Variants in EEIG1 observed in about 807,000 individuals in gnomAD.
EEIG1 encodes the protein estrogen-induced osteoclastogenesis regulator 1.
the EEIG1 span, among the ~76,000 whole-genome samples, chr9:127,946,344 C>A: frequency 6.6e-6 from 1 of 152,246 alleles, no homozygotes; most frequent in Non-Finnish European, 1.5e-5. Flanking sequence ...AACTTCAAAA[C>A]AGACTTTCCT....
the EEIG1 span, among the ~76,000 whole-genome samples, chr9:127,968,091 C>T: frequency 1.3e-5 from 2 of 151,642 alleles, no homozygotes; most frequent in East Asian, 1.9e-4. Flanking sequence ...TGAGCCACCA[C>T]GCCTGGCTTC....
chr9:127,978,752 G>A, the EEIG1 span, among the ~76,000 whole-genome samples: 3 of 152,110 alleles, frequency 2.0e-5, no homozygotes, highest in Non-Finnish European at 2.9e-5. Flanking sequence ...CAGGAGGATC[G>A]CTTGAACCCA....
At chr9:127,944,524 G>A in the EEIG1 span, 1 of 892,968 alleles carries the variant, frequency 1.1e-6, no homozygotes, top group Non-Finnish European at 1.8e-6. Flanking sequence ...ACAAGATTTG[G>A]CGTTCAAGGC....
chr9:127,960,790 C>T, the EEIG1 span, among the ~76,000 whole-genome samples: 3 of 152,154 alleles, frequency 2.0e-5, no homozygotes, highest in Admixed American at 6.5e-5. Flanking sequence ...CCAGAAAAAG[C>T]CACCTGGAAC....
the EEIG1 span, chr9:127,942,542 G>GC: frequency 6.4e-6 from 1 of 155,210 alleles, no homozygotes; most frequent in African/African-American, 2.4e-5. Context: ...GAGGACATTT[G>GC]CCGGGGGGAG....
chr9:127,976,367 C>A, the EEIG1 span, among the ~76,000 whole-genome samples: 24 of 152,238 alleles, frequency 1.6e-4, no homozygotes, highest in Non-Finnish European at 3.1e-4. The surrounding 1 kb of genome is among the most constrained non-coding windows in gnomAD (Gnocchi z 4.1). Context: ...AAATAATCAT[C>A]TATTTGAGGG....
chr9:127,975,339 C>T, the EEIG1 span, among the ~76,000 whole-genome samples: 1 of 152,190 alleles, frequency 6.6e-6, no homozygotes, highest in Non-Finnish European at 1.5e-5. Context: ...CCAAAGACTG[C>T]CCAAATCAAA....
chr9:127,944,595 C>A, the EEIG1 span: 5 of 1,599,174 alleles, frequency 3.1e-6, no homozygotes, highest in East Asian at 6.7e-5. Context: ...CCCGACGACC[C>A]CTCCCTAAGC....
the EEIG1 span, among the ~76,000 whole-genome samples, chr9:127,956,799 C>T: frequency 1.8e-4 from 27 of 152,154 alleles, no homozygotes; most frequent in African/African-American, 6.3e-4. Flanking sequence ...ACTGCAACCT[C>T]CACCTGCTGG....
chr9:127,940,688 G>A, the EEIG1 span: 3 of 152,102 alleles, frequency 2.0e-5, no homozygotes, highest in South Asian at 2.1e-4. Flanking sequence ...TGGGACAGAG[G>A]AACAAACACA....
chr9:127,970,557 T>TTACTCAA, the EEIG1 span, among the ~76,000 whole-genome samples: 2 of 152,334 alleles, frequency 1.3e-5, no homozygotes, highest in African/African-American at 4.8e-5. Context: ...AATTCCCTGA[T>TTACTCAA]GACAGAGGTT....
the EEIG1 span, chr9:127,950,299 C>T: frequency 8.3e-6 from 8 of 958,726 alleles, no homozygotes; most frequent in African/African-American, 4.9e-5. Context: ...CGCCCCTTCC[C>T]GATGTCTACC....
At chr9:127,955,152 G>C in the EEIG1 span, among the ~76,000 whole-genome samples, 3 of 152,224 alleles carry the variant, frequency 2.0e-5, no homozygotes, top group Non-Finnish European at 4.4e-5. Flanking sequence ...CAAGGGGACA[G>C]CTAAGGAAGT....
At chr9:127,948,621 C>A in the EEIG1 span, among the ~76,000 whole-genome samples, 3 of 152,350 alleles carry the variant, frequency 2.0e-5, no homozygotes, top group Middle Eastern at 6.8e-3. Context: ...GGAACCAAGG[C>A]CTGCCTGGCA....
At chr9:127,978,720 T>G in the EEIG1 span, among the ~76,000 whole-genome samples, 1 of 152,010 alleles carries the variant, frequency 6.6e-6, no homozygotes, top group Non-Finnish European at 1.5e-5. Flanking sequence ...GCCTGTAATC[T>G]CAGCTACTGA....
chr9:127,966,278 C>T, the EEIG1 span, among the ~76,000 whole-genome samples: 7 of 152,064 alleles, frequency 4.6e-5, no homozygotes, highest in Non-Finnish European at 1.0e-4. Context: ...TGCTGCTCAC[C>T]GGTCAAGCAG....
the EEIG1 span, among the ~76,000 whole-genome samples, chr9:127,959,945 G>A: frequency 6.6e-6 from 1 of 152,152 alleles, no homozygotes; most frequent in Admixed American, 6.6e-5. Flanking sequence ...TTGTGATGAT[G>A]GTTGTGCAAC....
At chr9:127,977,560 G>A in the EEIG1 span, among the ~76,000 whole-genome samples, 5 of 152,004 alleles carry the variant, frequency 3.3e-5, no homozygotes, top group African/African-American at 9.7e-5. Context: ...CCACCCCACC[G>A]CCCACCAAAG....
the EEIG1 span, among the ~76,000 whole-genome samples, chr9:127,949,371 T>C: frequency 1.3e-5 from 2 of 151,360 alleles, no homozygotes; most frequent in Non-Finnish European, 2.9e-5. Context: ...CTATGGCTTA[T>C]TCACTCGGCC....
Sources: gnomAD v4.1 joint callset for allele counts (sites outside exome capture counted in the v4.1 genomes callset) on GRCh38, gnomAD v4.1.1 for gene constraint, Gnocchi (gnomAD v3.1) non-coding constraint, MANE v1.5 for transcripts, NCBI Gene and HGNC (gene_info 2026-07-23, HGNC 2026-07-21) for gene names.